The following GLYATL1 variants were observed in gnomAD, a reference collection of about 807,000 sequenced individuals.
The protein encoded by GLYATL1 is glycine N-acyltransferase-like protein 1.
Under a neutral mutation model 20.0 loss-of-function variants are expected in GLYATL1, and 15 were observed. That is an observed-to-expected ratio of 0.75 (90% confidence interval 0.50 to 1.15). GLYATL1 has a LOEUF of 1.15. GLYATL1 is among the 50% of genes most tolerant of loss of function. GLYATL1 has a pLI of 0.00. For synonymous variants in GLYATL1, 151 were observed against 131.5 expected, an observed-to-expected ratio of 1.15 and a Z score of -1.01; for missense variants, 380 against 368.5, an observed-to-expected ratio of 1.03 and a Z score of -0.26.
chr11:58,919,140 C>T (rs1855249366), intron 1 of GLYATL1, among the ~76,000 whole-genome samples: 1 of 152,244 alleles, frequency 6.6e-6, no homozygotes, highest in Non-Finnish European at 1.5e-5. Context: ...GGCATTCTTT[C>T]CTGCACCCAG....
At chr11:58,906,050 C>T (rs1854872106) in intron 1 of GLYATL1, among the ~76,000 whole-genome samples, 1 of 152,212 alleles carries the variant, frequency 6.6e-6, no homozygotes, top group Non-Finnish European at 1.5e-5. Context: ...CTTCCCAACA[C>T]CTGCGAATCG....
upstream of GLYATL1, among the ~76,000 whole-genome samples, chr11:58,936,933 C>T (rs958270581): frequency 6.6e-6 from 1 of 152,200 alleles, no homozygotes; most frequent in African/African-American, 2.4e-5. Context: ...CATGAAGTCC[C>T]TAAACATCCC....
At chr11:58,906,352 A>T (rs1312931160) in intron 1 of GLYATL1, among the ~76,000 whole-genome samples, 1 of 152,110 alleles carries the variant, frequency 6.6e-6, no homozygotes, top group Non-Finnish European at 1.5e-5. Context: ...ACCCTGGTGG[A>T]TCCTTTCCTT....
chr11:58,909,253 G>T (rs1171614997), downstream of GLYATL1, among the ~76,000 whole-genome samples: 1 of 152,182 alleles, frequency 6.6e-6, no homozygotes, highest in Non-Finnish European at 1.5e-5. Context: ...GAGGAAAACA[G>T]AGGTATTAGT....
chr11:58,954,658 T>C (rs775619913), intron 4 of GLYATL1, 112 bp from the exon 5 acceptor site: 58 of 929,810 alleles, frequency 6.2e-5, no homozygotes, highest in Non-Finnish European at 9.0e-5. Flanking sequence ...GCAGCCATCA[T>C]GGGCCACTGT....
At chr11:58,946,081 A>G (rs1052649373) in intron 2 of GLYATL1, among the ~76,000 whole-genome samples, 1 of 152,316 alleles carries the variant, frequency 6.6e-6, no homozygotes, top group South Asian at 2.1e-4. Context: ...CTTCTCTTAC[A>G]TTAATTTTGT....
exon 2 of GLYATL1, chr11:58,907,577 G>T (rs1590763489): frequency 2.8e-6 from 1 of 352,288 alleles, no homozygotes; most frequent in East Asian, 7.4e-5. Flanking sequence ...TAATGTTCCT[G>T]ACTACTAGTT....
downstream of GLYATL1, among the ~76,000 whole-genome samples, chr11:58,909,269 G>A (rs1268349390): frequency 1.3e-5 from 2 of 151,970 alleles, no homozygotes; most frequent in African/African-American, 4.8e-5. Context: ...TTAGTCAAGG[G>A]GTACAGAGTT....
chr11:58,906,099 C>T (rs1441295019), intron 1 of GLYATL1, among the ~76,000 whole-genome samples: 1 of 152,170 alleles, frequency 6.6e-6, no homozygotes, highest in African/African-American at 2.4e-5. Flanking sequence ...TCTGGTCAGG[C>T]TCGCCGGTTC....
At chr11:58,950,705 C>G (rs150400383) in intron 4 of GLYATL1, among the ~76,000 whole-genome samples, 1 of 152,118 alleles carries the variant, frequency 6.6e-6, no homozygotes, top group African/African-American at 2.4e-5. Context: ...GAATTGTTTC[C>G]CCACATTCTC....
chr11:58,947,466 T>C, intron 3 of GLYATL1: 1 of 483,428 alleles, frequency 2.1e-6, no homozygotes, highest in East Asian at 3.4e-5. Context: ...TCTAGTCAGA[T>C]GGCTTTGTGG....
At chr11:58,915,053 A>T (rs1319303959) in intron 1 of GLYATL1, among the ~76,000 whole-genome samples, 1 of 152,044 alleles carries the variant, frequency 6.6e-6, no homozygotes, top group African/African-American at 2.4e-5. Flanking sequence ...GCCCTTAGTC[A>T]TTTCCCCTTT....
chr11:58,953,603 GTTTAC>G (rs1338172252), intron 4 of GLYATL1, among the ~76,000 whole-genome samples: 1 of 151,478 alleles, frequency 6.6e-6, no homozygotes, highest in East Asian at 1.9e-4. Flanking sequence ...TTATTTTCTA[GTTTAC>G]TTTGATATTC....
chr11:58,939,220 A>G (rs2135165385), upstream of GLYATL1, among the ~76,000 whole-genome samples: 1 of 152,312 alleles, frequency 6.6e-6, no homozygotes, highest in South Asian at 2.1e-4. Flanking sequence ...CTCATAAATT[A>G]TGATTGCTTC....
chr11:58,947,217 GAAAATA>G, intron 3 of GLYATL1, 52 bp downstream of exon 3: 1 of 1,579,044 alleles, frequency 6.3e-7, no homozygotes, highest in Non-Finnish European at 8.6e-7. Context: ...TTGAGGATGA[GAAAATA>G]GCAGGCTTGT....
intron 4 of GLYATL1, among the ~76,000 whole-genome samples, chr11:58,951,036 T>C (rs888504049): frequency 6.6e-6 from 1 of 152,150 alleles, no homozygotes; most frequent in African/African-American, 2.4e-5. Context: ...ATTAAGAAAT[T>C]TTTTATTTTC....
At position 58,955,326 on chromosome 11, in the gene GLYATL1, C is replaced by T. The variant is rs750968677; in HGVS notation, c.464C>T (p.Thr155Ile). 1 of 1,613,794 alleles carries T rather than the reference C, an allele frequency of 6.2e-7. No homozygotes were observed. The highest frequency in any genetic ancestry group is 8.5e-7 in the Non-Finnish European group (1 of 1,179,882). The change falls in exon 6 of 7, where the codon ACA becomes ATA. Residue 155 changes from threonine (T) to isoleucine (I), a missense_variant. Transcript: ENST00000532726. ...AGCAAGCTTGGAAGCTGGGCTGAGA[C>T]AGGCCACCCAGATGATGAATTTGAA... ...SKSKLGSWAE[T>I]GHPDDEFESE...
chr11:58,946,743 A>T (rs1015401689), intron 2 of GLYATL1: 4 of 410,310 alleles, frequency 9.7e-6, no homozygotes, highest in Non-Finnish European at 1.8e-5. Flanking sequence ...GTAGTGGTGG[A>T]GTGTTCTGTT....
intron 1 of GLYATL1, among the ~76,000 whole-genome samples, chr11:58,921,534 C>T (rs1855308427): frequency 6.6e-6 from 1 of 152,186 alleles, no homozygotes; most frequent in Admixed American, 6.5e-5. Flanking sequence ...TAACCATTCT[C>T]CACGTTATTA....
Sources: gnomAD v4.1 joint callset for allele counts (sites outside exome capture counted in the v4.1 genomes callset) on GRCh38, gnomAD v4.1.1 for gene constraint, MANE v1.5 for transcripts, NCBI Gene and HGNC (gene_info 2026-07-23, HGNC 2026-07-21) for gene names.